The following CLEC4F variants were observed in gnomAD, a reference collection of about 807,000 sequenced individuals.
CLEC4F encodes the protein C-type (calcium dependent, carbohydrate-recognition domain) lectin, superfamily member 13.
CLEC4F carries 45 observed loss-of-function variants against 53.4 expected under a neutral mutation model. The observed-to-expected ratio is 0.84, with a 90% CI of 0.66 to 1.08. The LOEUF (loss-of-function observed/expected upper bound fraction) is 1.08. Among genes scored for constraint, CLEC4F ranks in the 50% least tolerant of loss-of-function variants. The pLI is 0.00. For synonymous variants in CLEC4F, 245 were observed against 257.5 expected, an observed-to-expected ratio of 0.95 and a Z score of 0.46; for missense variants, 753 against 698.2, an observed-to-expected ratio of 1.08 and a Z score of -0.88.
At chr2:70,820,030 T>C (rs1437888186) in intron 1 of CLEC4F, 139 bp from the exon 2 acceptor site, 15 of 577,652 alleles carry the variant, frequency 2.6e-5, no homozygotes, top group Middle Eastern at 4.3e-4. Flanking sequence ...ATGCTTATCA[T>C]GCAGGTGGTT....
In CLEC4F at chr2:70,816,672, T is replaced by G. The variant is rs376668351; in HGVS notation, c.709A>C (p.Asn237His). 4 of 1,614,112 alleles carry G rather than the reference T, an allele frequency of 2.5e-6. No homozygotes were observed. In the African/African-American group the frequency reaches 5.3e-5, roughly 22 times the overall value. The part of the protein sequence containing the change: ...QMLNASLETA[N>H]TQAQLANSSL... ...CTATTGGCTAACTGAGCCTGGGTAT[T>G]TGCCGTTTCCAAACTGGCATTCAAC... is the stretch of plus-strand genomic sequence containing the variant. The change falls in exon 4 of 7, where the codon AAT becomes CAT. Residue 237 changes from asparagine (N) to histidine (H), a missense_variant. Coordinates refer to ENST00000272367, the MANE Select transcript of CLEC4F (RefSeq NM_173535.3).
chr2:70,811,908 C>CA (rs1353669779), intron 5 of CLEC4F, among the ~76,000 whole-genome samples: 14 of 151,596 alleles, frequency 9.2e-5, no homozygotes, highest in South Asian at 2.1e-4. Context: ...CCCATTTCTA[C>CA]AAAAAAAATA....
Position 70,808,865 on chromosome 2 carries a change from G to C in CLEC4F, c.*406C>G, listed in dbSNP as rs549216780. Reference sequence around the variant, plus strand: ...AGAACAAGCAGAGCTCAGAGGCTCCGAAGGCATCGAGGAGGAGGGTCAGTA... The same window carrying C: ...AGAACAAGCAGAGCTCAGAGGCTCCCAAGGCATCGAGGAGGAGGGTCAGTA... On this transcript the variant is annotated 3_prime_UTR_variant, in exon 7 of 7. Transcript: ENST00000272367. The C allele has an allele frequency of 2.1e-5, 12 of 577,760 alleles. No homozygotes were observed. Among genetic ancestry groups the C allele is most frequent in the African/African-American group, 2.1e-4 (11 of 53,482 alleles). The allele number at this position is 577,760 out of a possible 1,614,324, so 35.8% of individuals were successfully genotyped here. A position where few individuals can be genotyped will look rare whatever the true frequency, so the allele number is the denominator to read the frequency against.
rs782454858 is a variant in CLEC4F, at chr2:70,809,302, G to A, written c.1739C>T (p.Thr580Ile). 4.3e-6 allele frequency: 7 copies of A among 1,614,008 alleles called. No individual in the cohort carries two copies. The highest frequency in any genetic ancestry group is 1.1e-5 in the South Asian group (1 of 91,038). ...ACTGAGGATCCAGGGACAGGGAGGG[G>A]TGTCTATGAAGCTGCAAGCTCCCAT... ...SGMGACSFIDTPPCPWILSN is the reference protein window; with the variant it reads ...SGMGACSFIDIPPCPWILSN Residue 580 changes from threonine (T) to isoleucine (I), a missense_variant, in exon 7 of 7, where the codon ACC becomes ATC. By Grantham distance (89) the Thr-to-Ile change is moderately conservative. Coordinates refer to ENST00000272367, the MANE Select transcript of CLEC4F (RefSeq NM_173535.3).
chr2:70,816,300 C>T lies in CLEC4F; in HGVS notation c.1081G>A (p.Val361Ile), dbSNP rs367612948. The T allele has an allele frequency of 9.9e-6, 16 of 1,614,102 alleles. No homozygotes were observed. In the African/African-American group the frequency reaches 1.9e-4, roughly 19 times the overall value. ...ACATTTTCCATCTCTGACTTGAATA[C>T]CTGAATCTGAGTATCTGTCTGGTCC... The part of the protein sequence containing the change: ...RLDQTDTQIQ[V>I]FKSEMENVNT... The change falls in exon 4 of 7, where the codon GTA becomes ATA. Residue 361 changes from valine to isoleucine, a missense_variant. By Grantham distance (29) the Val-to-Ile change is conservative (BLOSUM62 3). Coordinates refer to ENST00000272367, the MANE Select transcript of CLEC4F (RefSeq NM_173535.3).
intron 3 of CLEC4F, 130 bp downstream of exon 3, chr2:70,819,225 T>A (rs1553397166): frequency 4.3e-6 from 3 of 690,612 alleles, no homozygotes; most frequent in Admixed American, 5.0e-5. Context: ...TTTAAAAAAT[T>A]ATCTCTTTCT....
At chr2:70,814,232 G>C (rs111299281) in intron 4 of CLEC4F, among the ~76,000 whole-genome samples, 4,133 of 152,174 alleles carry the variant, frequency 0.027, 175 homozygotes, top group African/African-American at 0.094. Flanking sequence ...TATGAGCAAT[G>C]GGAAGCACTG....
intron 6 of CLEC4F, 116 bp downstream of exon 6, chr2:70,809,623 A>C: frequency 1.2e-6 from 1 of 816,938 alleles, no homozygotes; most frequent in Non-Finnish European, 2.0e-6. Flanking sequence ...CACACCACAC[A>C]CGTCACACAC....
In CLEC4F at chr2:70,819,338, C is replaced by T. The variant is rs72834385; in HGVS notation, c.268+17G>A. Reference sequence around the variant, plus strand: ...CCCCAGTTCCCTCTGCACCCCACCCCCACTGTGGCTACTCACTGTTGGGTT... The same window carrying T: ...CCCCAGTTCCCTCTGCACCCCACCCTCACTGTGGCTACTCACTGTTGGGTT... On this transcript the variant is annotated intron_variant, in intron 3 of 6. Coordinates refer to ENST00000272367, the MANE Select transcript of CLEC4F (RefSeq NM_173535.3). The T allele has an allele frequency of 0.025, 40,063 of 1,606,982 alleles. 578 individuals are homozygous for T. The highest frequency in any genetic ancestry group is 0.029 in the South Asian group (2,619 of 90,864).
At chr2:70,812,165 C>T (rs1249042832) in intron 5 of CLEC4F, among the ~76,000 whole-genome samples, 1 of 152,196 alleles carries the variant, frequency 6.6e-6, no homozygotes, top group Non-Finnish European at 1.5e-5. Flanking sequence ...GCTCCTAGCA[C>T]TTAAGGGCAT....
At chr2:70,810,970 T>C in intron 5 of CLEC4F, 1 of 567,116 alleles carries the variant, frequency 1.8e-6, no homozygotes, top group East Asian at 4.5e-5. Flanking sequence ...AAAATAAACA[T>C]GTGAAAATAT....
At chr2:70,812,331 G>C (rs1553394446) in intron 5 of CLEC4F, 116 bp downstream of exon 5, 3 of 1,119,744 alleles carry the variant, frequency 2.7e-6, no homozygotes. Flanking sequence ...CTCCCTGCCT[G>C]GCAGAGGAGA....
intron 3 of CLEC4F, 34 bp downstream of exon 3, chr2:70,819,321 C>T: frequency 6.4e-7 from 1 of 1,558,546 alleles, no homozygotes; most frequent in Non-Finnish European, 8.9e-7. Context: ...GGCCCCAGTT[C>T]CCTCTGCACC....
At chr2:70,813,045 C>A (rs1388420428) in intron 4 of CLEC4F, among the ~76,000 whole-genome samples, 13 of 152,194 alleles carry the variant, frequency 8.5e-5, no homozygotes, top group African/African-American at 2.9e-4. Context: ...ACCTGGTCTG[C>A]CTGGCCTTCC....
chr2:70,816,206 G>A lies in CLEC4F; in HGVS notation c.1175C>T (p.Thr392Ile). Reference sequence around the variant, plus strand: ...AGCATTCTTCATTCCTTGTTTTAGGGTCTGTATCTCTCTGCTGGCATTTTT... The same window carrying A: ...AGCATTCTTCATTCCTTGTTTTAGGATCTGTATCTCTCTGCTGGCATTTTT... ...HMKNASREIQ[T>I]LKQGMKNASA... The change falls in exon 4 of 7, where the codon ACC becomes ATC. Residue 392 changes from threonine to isoleucine, a missense_variant. Coordinates refer to ENST00000272367, the MANE Select transcript of CLEC4F (RefSeq NM_173535.3). The A allele has an allele frequency of 6.2e-7, 1 of 1,614,124 alleles. No individual in the cohort carries two copies. The highest frequency in any genetic ancestry group is 8.5e-7 in the Non-Finnish European group (1 of 1,180,024).
chr2:70,816,290 G>C lies in CLEC4F; in HGVS notation c.1091C>G (p.Ser364Ter). 1 of 1,614,186 alleles carries C rather than the reference G, an allele frequency of 6.2e-7. No individual in the cohort carries two copies. The highest frequency in any genetic ancestry group is 8.5e-7 in the Non-Finnish European group (1 of 1,180,028). ...QTDTQIQVFK[S>*]EMENVNTLNA... is the part of the protein sequence containing the mutation. ...TAAGGTATTCACATTTTCCATCTCT[G>C]ACTTGAATACCTGAATCTGAGTATC... Residue 364 changes from serine (S) to a stop codon, truncating the protein, a stop_gained, in exon 4 of 7, where the codon TCA becomes TGA. Coordinates refer to ENST00000272367, the MANE Select transcript of CLEC4F (RefSeq NM_173535.3). LOFTEE classifies it high-confidence loss of function.
At chr2:70,810,840 T>G (rs1187518774) in intron 5 of CLEC4F, 2 of 550,626 alleles carry the variant, frequency 3.6e-6, no homozygotes, top group Non-Finnish European at 7.1e-6. Context: ...GTACTCCCTC[T>G]TCTAAAATTG....
upstream of CLEC4F, among the ~76,000 whole-genome samples, chr2:70,824,621 CCAAAAAAAAAAA>C (rs1448420883): frequency 7.8e-5 from 3 of 38,270 alleles, no homozygotes; most frequent in South Asian, 1.3e-3. Flanking sequence ...TGCTTAGTTA[CCAAAAAAAAAAA>C]AAAAAAAAAA....
chr2:70,818,043 C>T (rs1255612704), intron 3 of CLEC4F, among the ~76,000 whole-genome samples: 1 of 152,162 alleles, frequency 6.6e-6, no homozygotes, highest in Non-Finnish European at 1.5e-5. Context: ...CTTCTGATTC[C>T]AGTCTCCCCT....
Sources: gnomAD v4.1 joint callset for allele counts (sites outside exome capture counted in the v4.1 genomes callset) on GRCh38, gnomAD v4.1.1 for gene constraint, MANE v1.5 for transcripts, NCBI Gene and HGNC (gene_info 2026-07-23, HGNC 2026-07-21) for gene names.